CDH13: variants seen among roughly 807,000 people sequenced by gnomAD.
CDH13 encodes the protein cadherin 13.
Under a neutral mutation model 63.8 loss-of-function variants are expected in CDH13, and 24 were observed. The ratio of observed to expected loss-of-function variants is 0.38; its 90% CI spans 0.27 to 0.53. The LOEUF (loss-of-function observed/expected upper bound fraction) is 0.53. CDH13 is among the 20% of genes least tolerant of loss of function. The probability of loss-of-function intolerance (pLI) is 0.85; values close to 1 mark genes in which losing one functional copy is unlikely to be tolerated. For synonymous variants in CDH13, 503 were observed against 355.3 expected (o/e 1.42, Z -4.67); for missense variants, 1,049 against 903.1 (o/e 1.16, Z -2.07).
chr16:82,748,272 A>G (rs556470555), intron 1 of CDH13, among the ~76,000 whole-genome samples: 14 of 152,302 alleles, frequency 9.2e-5, no homozygotes, highest in South Asian at 4.1e-4. Flanking sequence ...TTGCAACTCA[A>G]TTCATGTTCC....
chr16:83,567,543 A>T (rs763969250), intron 7 of CDH13, among the ~76,000 whole-genome samples: 2 of 152,204 alleles, frequency 1.3e-5, no homozygotes, highest in African/African-American at 2.4e-5. Flanking sequence ...AAAATTTTTT[A>T]AAAAGCAAGA....
At chr16:82,965,051 T>C (rs1262916394) in intron 2 of CDH13, among the ~76,000 whole-genome samples, 1 of 152,218 alleles carries the variant, frequency 6.6e-6, no homozygotes, top group Non-Finnish European at 1.5e-5. Flanking sequence ...AGTCTGAGAC[T>C]TCAAAGTAAA....
intron 7 of CDH13, among the ~76,000 whole-genome samples, chr16:83,594,972 C>G (rs550800198): frequency 6.6e-6 from 1 of 152,308 alleles, no homozygotes; most frequent in South Asian, 2.1e-4. Flanking sequence ...GACATACCAT[C>G]TTGCTTTTGT....
rs747320312 is a variant in CDH13 at position 83,175,167 on chromosome 16, C to G, written c.484-42178C>G. Among the ~76,000 whole-genome samples, 64 of 152,038 alleles carry G rather than the reference C, an allele frequency of 4.2e-4. 2 individuals carry two copies. Among genetic ancestry groups the G allele is most frequent in the Non-Finnish European group, 7.9e-4 (54 of 67,998 alleles). ...TCATAGAAAGCTCTCTTGGACAGCCCTATTCTAGATGCTTTATTCTCAAAC... is the reference window on the plus strand; with the variant it reads ...TCATAGAAAGCTCTCTTGGACAGCCGTATTCTAGATGCTTTATTCTCAAAC... On this transcript the variant is annotated intron_variant, in intron 4 of 13. Coordinates refer to ENST00000567109, the MANE Select transcript of CDH13 (RefSeq NM_001257.5).
chr16:83,783,274 C>A lies in CDH13; in HGVS notation c.1936C>A (p.Leu646Ile). ...TACAGATACACACGCCCTGGTAAGC[C>A]TTCTTCAAAATCTGAACAAAGCAAA... ...KINNTHALVS[L>I]LQNLNKANYN... The change falls in exon 13 of 14, where the codon CTT becomes ATT. Residue 646 changes from leucine to isoleucine, a missense_variant. Leu to Ile is a conservative substitution (Grantham distance 5). Transcript: ENST00000567109. The A allele has an allele frequency of 6.2e-7, 1 of 1,613,782 alleles. No individual in the cohort carries two copies. Among genetic ancestry groups the A allele is most frequent in the Non-Finnish European group, 8.5e-7 (1 of 1,179,720 alleles).
chr16:83,731,031 A>AG (rs1910986169), intron 10 of CDH13, among the ~76,000 whole-genome samples: 2 of 152,028 alleles, frequency 1.3e-5, no homozygotes, highest in Middle Eastern at 3.4e-3. Context: ...TCCATGGTAT[A>AG]CACGCACTGC....
chr16:82,738,705 C>T (rs1398974096), intron 1 of CDH13, among the ~76,000 whole-genome samples: 2 of 152,208 alleles, frequency 1.3e-5, no homozygotes, highest in African/African-American at 4.8e-5. Flanking sequence ...TTATTTAAAT[C>T]CTGTGCATTC....
At chr16:83,651,690 G>T (rs923621248) in intron 8 of CDH13, among the ~76,000 whole-genome samples, 19 of 141,294 alleles carry the variant, frequency 1.3e-4, no homozygotes, top group Admixed American at 2.3e-4. Context: ...CTGCCTCCCA[G>T]GTTCAAGAAA....
At chr16:83,591,000 T>C (rs1449540334) in intron 7 of CDH13, among the ~76,000 whole-genome samples, 1 of 148,660 alleles carries the variant, frequency 6.7e-6, no homozygotes, top group African/African-American at 2.5e-5. Flanking sequence ...AATCTCCACC[T>C]TCTGGTTTCA....
At chr16:83,582,175 C>G (rs1905674467) in intron 7 of CDH13, among the ~76,000 whole-genome samples, 1 of 152,170 alleles carries the variant, frequency 6.6e-6, no homozygotes, top group Non-Finnish European at 1.5e-5. Context: ...GTGAGGGCTG[C>G]TCCCAGCATT....
intron 7 of CDH13, among the ~76,000 whole-genome samples, chr16:83,599,852 G>A (rs1396228421): frequency 6.6e-6 from 1 of 152,184 alleles, no homozygotes; most frequent in Non-Finnish European, 1.5e-5. Flanking sequence ...AAAGCGTTAT[G>A]CAAGAAATTA....
intron 8 of CDH13, among the ~76,000 whole-genome samples, chr16:83,658,726 C>T (rs1204943639): frequency 3.4e-3 from 506 of 149,068 alleles, no homozygotes; most frequent in Non-Finnish European, 4.8e-3. Flanking sequence ...GGTCTCATGT[C>T]CTCACCACCA....
chr16:83,569,068 C>T (rs898947981), intron 7 of CDH13, among the ~76,000 whole-genome samples: 25 of 152,106 alleles, frequency 1.6e-4, no homozygotes, highest in African/African-American at 5.6e-4. Context: ...GGCCTCCTCT[C>T]CTTTCCCTCC....
At position 83,047,183 on chromosome 16, in the gene CDH13, G is replaced by A. The variant is rs538032596; in HGVS notation, c.366+14965G>A. On this transcript the variant is annotated intron_variant, in intron 3 of 13. Transcript: ENST00000567109. This position sits in a 1 kb window ranked among gnomAD's most constrained non-coding sequence, Gnocchi z 4.9. ...AGGAAAGGTCTGCAGACTATAAGCA[G>A]ACTTTATCTGAAGACCACCTCCTGC... 9.2e-5 allele frequency among the ~76,000 whole-genome samples: 14 copies of A among 152,258 alleles called. No homozygotes were observed. Among genetic ancestry groups the A allele is most frequent in the South Asian group, 8.3e-4 (4 of 4,826 alleles).
At chr16:82,936,354 G>T (rs182237733) in intron 2 of CDH13, among the ~76,000 whole-genome samples, 12 of 152,270 alleles carry the variant, frequency 7.9e-5, no homozygotes, top group Non-Finnish European at 1.3e-4. Flanking sequence ...CATCAGGAAC[G>T]TGAACCCTAT....
intron 4 of CDH13, among the ~76,000 whole-genome samples, chr16:83,137,559 C>T (rs972752078): frequency 2.0e-5 from 3 of 152,192 alleles, no homozygotes; most frequent in African/African-American, 7.2e-5. Context: ...TCGCTTCAGA[C>T]AACGCTTTTT....
At chr16:83,274,526 A>T (rs2088922997) in intron 5 of CDH13, among the ~76,000 whole-genome samples, 2 of 152,178 alleles carry the variant, frequency 1.3e-5, no homozygotes, top group Non-Finnish European at 2.9e-5. Flanking sequence ...TTATCTGATT[A>T]GTGTCTTTAG....
chr16:82,707,258 C>T (rs1489151258), intron 1 of CDH13, among the ~76,000 whole-genome samples: 2 of 152,176 alleles, frequency 1.3e-5, no homozygotes, highest in African/African-American at 4.8e-5. Flanking sequence ...GCTATGTATA[C>T]AAAGCCAGCT....
At chr16:82,975,654 A>G (rs1035597458) in intron 2 of CDH13, among the ~76,000 whole-genome samples, 1 of 152,230 alleles carries the variant, frequency 6.6e-6, no homozygotes, top group East Asian at 1.9e-4. Context: ...AGTTTCTTAC[A>G]TTCCTCAACT....
Sources: allele counts gnomAD v4.1 joint callset (sites outside exome capture counted in the v4.1 genomes callset), GRCh38; gene constraint gnomAD v4.1.1; non-coding constraint Gnocchi (gnomAD v3.1); transcripts MANE v1.5; gene names NCBI Gene and HGNC (gene_info 2026-07-23, HGNC 2026-07-21).